The following SNRNP40 variants were observed in gnomAD, a reference collection of about 807,000 sequenced individuals.
SNRNP40 encodes small nuclear ribonucleoprotein U5 subunit 40.
In SNRNP40, 21 loss-of-function variants were observed where a neutral mutation model predicts 45.8. The ratio of observed to expected loss-of-function variants is 0.46; its 90% CI spans 0.32 to 0.66. The LOEUF is 0.66. SNRNP40 is among the 30% of genes least tolerant of loss of function. SNRNP40 has a pLI of 0.03. For missense variants in SNRNP40, 344 were observed against 439.1 expected, an observed-to-expected ratio of 0.78 and a Z score of 1.94; for synonymous variants, 142 against 163.8, an observed-to-expected ratio of 0.87 and a Z score of 1.01.
chr1:31,260,137 C>A lies in SNRNP40; in HGVS notation c.1025-16G>T. On this transcript the variant is annotated splice_polypyrimidine_tract_variant and intron_variant, in intron 9 of 9. Transcript: ENST00000263694. ...GCTGAGATAACTGAGGTAAAAAGAA[C>A]AGATAACTAGAAATAATGAAGGCTC... is the stretch of plus-strand genomic sequence containing the variant. 1 of 1,559,052 alleles carries A rather than the reference C, an allele frequency of 6.4e-7. No individual in the cohort carries two copies. Among genetic ancestry groups the A allele is most frequent in the Non-Finnish European group, 8.7e-7 (1 of 1,149,530 alleles).
At chr1:31,261,258 G>A (rs1645857341) in intron 9 of SNRNP40, 2 of 428,836 alleles carry the variant, frequency 4.7e-6, no homozygotes, top group Middle Eastern at 6.7e-4. Context: ...GGCTGAGGCA[G>A]GAGAACTGCT....
intron 5 of SNRNP40, among the ~76,000 whole-genome samples, chr1:31,272,488 T>C (rs537481178): frequency 1.3e-5 from 2 of 151,684 alleles, no homozygotes; most frequent in East Asian, 3.9e-4. Context: ...GTAGAAAGAG[T>C]GGTGACTTAG....
At chr1:31,294,672 G>A (rs1040456858) in intron 1 of SNRNP40, among the ~76,000 whole-genome samples, 3 of 152,090 alleles carry the variant, frequency 2.0e-5, no homozygotes, top group Non-Finnish European at 2.9e-5. Flanking sequence ...GGGCGCGGTG[G>A]CTCACACCTG....
intron 2 of SNRNP40, 48 bp from the exon 3 acceptor site, chr1:31,292,054 A>T (rs1386211283): frequency 1.6e-6 from 2 of 1,271,312 alleles, no homozygotes. Flanking sequence ...AAGGGTACTT[A>T]TAAATTTATC....
chr1:31,284,179 C>A (rs1389580651), intron 4 of SNRNP40, among the ~76,000 whole-genome samples: 2 of 152,146 alleles, frequency 1.3e-5, no homozygotes, highest in South Asian at 4.1e-4. Flanking sequence ...GCCGTGATTG[C>A]GGATCTGTAC....
chr1:31,277,195 A>G (rs974667836), intron 5 of SNRNP40, among the ~76,000 whole-genome samples: 25 of 152,174 alleles, frequency 1.6e-4, no homozygotes, highest in African/African-American at 6.0e-4. Flanking sequence ...CTCTCTCTTG[A>G]AAAAAGAAAA....
At position 31,282,501 on chromosome 1, in the gene SNRNP40, A is replaced by G. The variant is rs1646024490; in HGVS notation, c.532-1005T>C. 3 of 151,484 alleles carry G rather than the reference A, an allele frequency of 2.0e-5. 1 individual carries two copies. Among genetic ancestry groups the G allele is most frequent in the Admixed American group, 2.0e-4 (3 of 15,152 alleles). The allele number at this position is 151,484 out of a possible 1,614,324, so 9.4% of individuals were successfully genotyped here. On this transcript the variant is annotated intron_variant, in intron 4 of 9. Coordinates refer to ENST00000263694, the MANE Select transcript of SNRNP40 (RefSeq NM_004814.3). ...TATCTATGTATCTATCTATCTATCT[A>G]TCTATCTATCTATCTATCTATCTAA... is the stretch of plus-strand genomic sequence containing the variant.
chr1:31,277,288 T>C (rs1378710719), intron 5 of SNRNP40, among the ~76,000 whole-genome samples: 1 of 152,242 alleles, frequency 6.6e-6, no homozygotes, highest in Non-Finnish European at 1.5e-5. Context: ...AAGTACACTG[T>C]GAAATAGTAA....
rs530049997 is a variant in SNRNP40, at chr1:31,287,125, TC to T, written c.531+2128del. Among the ~76,000 whole-genome samples the T allele has an allele frequency of 5.3e-5, 8 of 152,318 alleles. No homozygotes were observed. The South Asian group carries it at 1.7e-3, about 32-fold the overall frequency. On this transcript the variant is annotated intron_variant, in intron 4 of 9. Coordinates refer to ENST00000263694, the MANE Select transcript of SNRNP40 (RefSeq NM_004814.3). ...ATGTAAAAAGCAACATGACTTTTTT[TC>T]CTCTTAAACTGAAGTTATTCAATTC...
At chr1:31,267,130 T>C (rs1310263198) in intron 8 of SNRNP40, among the ~76,000 whole-genome samples, 2 of 151,950 alleles carry the variant, frequency 1.3e-5, no homozygotes, top group Non-Finnish European at 2.9e-5. Flanking sequence ...GAAGAGGGAA[T>C]GTGAGAGAGA....
At chr1:31,265,802 T>C (rs532186526) in intron 8 of SNRNP40, among the ~76,000 whole-genome samples, 5 of 152,274 alleles carry the variant, frequency 3.3e-5, no homozygotes, top group Non-Finnish European at 5.9e-5. Context: ...ATTGCACCAC[T>C]GCACTCCAGC....
rs555892248 is a variant in SNRNP40 at position 31,293,348 on chromosome 1, C to T, written c.142G>A (p.Gly48Arg). 1 of 1,603,846 alleles carries T rather than the reference C, an allele frequency of 6.2e-7. No homozygotes were observed. Among genetic ancestry groups the T allele is most frequent in the South Asian group, 1.1e-5 (1 of 89,238 alleles). The change falls in exon 2 of 10, where the codon GGA (glycine) becomes AGA (arginine). Residue 48 changes from glycine to arginine, a missense_variant and splice_region_variant. Transcript: ENST00000263694. ...QATPGALLQA[G>R]PPRCSSLQAP... ...TGAAGGGAGGAACATCTTGGAGGTC[C>T]CTAAACAAAAGAGAAGCACAAGGTA...
intron 1 of SNRNP40, among the ~76,000 whole-genome samples, chr1:31,295,090 G>A (rs571012558): frequency 2.0e-4 from 30 of 152,240 alleles, no homozygotes; most frequent in Admixed American, 1.6e-3. Context: ...GGTGTCATGT[G>A]CTATAGAGCA....
At chr1:31,271,222 AG>A in intron 6 of SNRNP40, 156 bp downstream of exon 6, 1 of 679,708 alleles carries the variant, frequency 1.5e-6, no homozygotes, top group Non-Finnish European at 2.4e-6. Context: ...AAAGTTGTTC[AG>A]GGACAAGACA....
At chr1:31,294,620 C>T (rs555404537) in intron 1 of SNRNP40, among the ~76,000 whole-genome samples, 3 of 151,854 alleles carry the variant, frequency 2.0e-5, no homozygotes, top group Middle Eastern at 3.4e-3. Flanking sequence ...CCACCAAGCC[C>T]GGCCAGATTC....
At chr1:31,293,783 C>T (rs567908939) in intron 1 of SNRNP40, among the ~76,000 whole-genome samples, 5 of 152,096 alleles carry the variant, frequency 3.3e-5, no homozygotes, top group East Asian at 1.9e-4. Context: ...GGTCTTGCTA[C>T]GTTGCCTAGG....
At chr1:31,269,775 GTAAA>G (rs1645924157) in intron 6 of SNRNP40, 1 of 157,764 alleles carries the variant, frequency 6.3e-6, no homozygotes, top group African/African-American at 2.4e-5. Flanking sequence ...ATCAGAAAAA[GTAAA>G]CATTGATTCT....
chr1:31,265,344 G>A (rs1645888645), intron 8 of SNRNP40, among the ~76,000 whole-genome samples: 1 of 151,660 alleles, frequency 6.6e-6, no homozygotes, highest in South Asian at 2.1e-4. Context: ...TGCCCAGGCT[G>A]GTCTTGAACT....
At chr1:31,273,600 A>G (rs6696817) in intron 5 of SNRNP40, among the ~76,000 whole-genome samples, 68,990 of 151,738 alleles carry the variant, frequency 0.45, 19,329 homozygotes, top group Non-Finnish European at 0.63. Flanking sequence ...AGATCACACA[A>G]CTGCATTCCA....
Sources: gnomAD v4.1 joint callset for allele counts (sites outside exome capture counted in the v4.1 genomes callset) on GRCh38, gnomAD v4.1.1 for gene constraint, MANE v1.5 for transcripts, NCBI Gene and HGNC (gene_info 2026-07-23, HGNC 2026-07-21) for gene names.